The following RPS6KC1 variants were observed in gnomAD, a reference collection of about 807,000 sequenced individuals.
RPS6KC1 encodes the protein inactive ribosomal protein S6 kinase delta-1.
A neutral mutation model predicts 103.8 loss-of-function variants in RPS6KC1; 54 were observed. The ratio of observed to expected loss-of-function variants is 0.52; its 90% CI spans 0.42 to 0.65. The LOEUF is 0.65. RPS6KC1 is among the 30% of genes least tolerant of loss of function. RPS6KC1 has a pLI of 0.00. For synonymous variants in RPS6KC1, 439 were observed against 438.7 expected (o/e 1.00, Z -0.01); for missense variants, 1,151 against 1,253.8 (o/e 0.92, Z 1.24).
chr1:213,078,540 T>G (rs1022422631), intron 3 of RPS6KC1, among the ~76,000 whole-genome samples: 6 of 152,130 alleles, frequency 3.9e-5, no homozygotes, highest in South Asian at 2.1e-4. Flanking sequence ...TAGTTGGGAT[T>G]ACAGGCGTCT....
At chr1:213,679,580 G>A in the RPS6KC1 span, among the ~76,000 whole-genome samples, 1 of 152,186 alleles carries the variant, frequency 6.6e-6, no homozygotes, top group African/African-American at 2.4e-5. Context: ...TAGTCCTCAT[G>A]TCATCACAAC....
the RPS6KC1 span, among the ~76,000 whole-genome samples, chr1:213,623,803 C>T: frequency 1.3e-5 from 2 of 152,128 alleles, no homozygotes; most frequent in Admixed American, 6.5e-5. Context: ...CAGTAGGTGG[C>T]AAAGACTGCT....
chr1:213,147,309 A>G (rs2087993181), intron 6 of RPS6KC1, among the ~76,000 whole-genome samples: 1 of 152,084 alleles, frequency 6.6e-6, no homozygotes, highest in Non-Finnish European at 1.5e-5. Flanking sequence ...GTTTTGTTGT[A>G]GTGGTTTTAT....
the RPS6KC1 span, among the ~76,000 whole-genome samples, chr1:213,775,897 T>C: frequency 2.6e-5 from 4 of 152,196 alleles, no homozygotes; most frequent in Non-Finnish European, 5.9e-5. Context: ...TCCTTTCTTA[T>C]CATTTCCACA....
At chr1:213,531,693 C>A in the RPS6KC1 span, among the ~76,000 whole-genome samples, 1 of 152,206 alleles carries the variant, frequency 6.6e-6, no homozygotes, top group Non-Finnish European at 1.5e-5. Context: ...ACATTTTGGG[C>A]TATCAGTGGA....
At chr1:213,655,456 TG>T in the RPS6KC1 span, among the ~76,000 whole-genome samples, 1 of 152,360 alleles carries the variant, frequency 6.6e-6, no homozygotes, top group South Asian at 2.1e-4. Context: ...CTGTGAGTCA[TG>T]AACATCTTAT....
At chr1:213,623,089 C>T in the RPS6KC1 span, among the ~76,000 whole-genome samples, 1 of 152,170 alleles carries the variant, frequency 6.6e-6, no homozygotes, top group Non-Finnish European at 1.5e-5. Context: ...CTCTAGGCCC[C>T]ATCTCTGTGG....
chr1:213,692,198 T>C, the RPS6KC1 span, among the ~76,000 whole-genome samples: 1 of 151,450 alleles, frequency 6.6e-6, no homozygotes, highest in Non-Finnish European at 1.5e-5. Context: ...AGGCCAAGAG[T>C]TCGAGACCAG....
chr1:213,455,652 T>C, the RPS6KC1 span, among the ~76,000 whole-genome samples: 1 of 151,898 alleles, frequency 6.6e-6, no homozygotes, highest in South Asian at 2.1e-4. Context: ...AGAGAGAGTA[T>C]AGATTAAGTG....
chr1:213,116,036 T>C, intron 4 of RPS6KC1, among the ~76,000 whole-genome samples: 1 of 152,056 alleles, frequency 6.6e-6, no homozygotes, highest in Non-Finnish European at 1.5e-5. Context: ...TCTGTTGATT[T>C]GGGGTGGAGA....
chr1:213,615,962 C>T, the RPS6KC1 span, among the ~76,000 whole-genome samples: 7 of 152,194 alleles, frequency 4.6e-5, no homozygotes, highest in Non-Finnish European at 1.0e-4. Context: ...GAAGGCCAGC[C>T]AGTTGACTAA....
chr1:213,793,507 C>T, the RPS6KC1 span, among the ~76,000 whole-genome samples: 2 of 152,154 alleles, frequency 1.3e-5, no homozygotes, highest in Admixed American at 6.5e-5. Context: ...TAAAACAGGG[C>T]GTGAGTTTTC....
chr1:213,645,093 C>T, the RPS6KC1 span, among the ~76,000 whole-genome samples: 2 of 152,150 alleles, frequency 1.3e-5, no homozygotes, highest in African/African-American at 4.8e-5. Flanking sequence ...GTTGTAGACT[C>T]ATCCTAGCAA....
intron 1 of RPS6KC1, among the ~76,000 whole-genome samples, chr1:213,062,877 T>C (rs2077977637): frequency 6.6e-6 from 1 of 152,174 alleles, no homozygotes; most frequent in Non-Finnish European, 1.5e-5. Flanking sequence ...GACCTGACTT[T>C]TAAGGAAACA....
chr1:213,358,483 C>T, the RPS6KC1 span, among the ~76,000 whole-genome samples: 1 of 152,066 alleles, frequency 6.6e-6, no homozygotes, highest in Non-Finnish European at 1.5e-5. Context: ...GGTGATATCC[C>T]CTTTATCATT....
chr1:213,589,958 T>C, the RPS6KC1 span, among the ~76,000 whole-genome samples: 3 of 151,666 alleles, frequency 2.0e-5, no homozygotes, highest in African/African-American at 7.3e-5. Context: ...TGTGTGTGTG[T>C]GTGTGTGTGT....
the RPS6KC1 span, among the ~76,000 whole-genome samples, chr1:213,351,947 G>A: frequency 1.3e-5 from 2 of 151,906 alleles, no homozygotes; most frequent in African/African-American, 2.4e-5. Flanking sequence ...CTGGGCTGGA[G>A]GTGGTGGGAG....
chr1:213,239,574 T>A (rs2094304516), intron 10 of RPS6KC1, among the ~76,000 whole-genome samples: 1 of 152,200 alleles, frequency 6.6e-6, no homozygotes, highest in Non-Finnish European at 1.5e-5. Context: ...TGCAATTGAC[T>A]GTCAGTGGTT....
At chr1:213,525,355 G>T in the RPS6KC1 span, among the ~76,000 whole-genome samples, 1 of 152,158 alleles carries the variant, frequency 6.6e-6, no homozygotes, top group Non-Finnish European at 1.5e-5. Flanking sequence ...GGATGGAGTT[G>T]CCATTTACTG....
Sources: allele counts gnomAD v4.1 joint callset (sites outside exome capture counted in the v4.1 genomes callset), GRCh38; gene constraint gnomAD v4.1.1; transcripts MANE v1.5; gene names NCBI Gene and HGNC (gene_info 2026-07-23, HGNC 2026-07-21).